The following TENM2 variants were observed in gnomAD, a reference collection of about 807,000 sequenced individuals.
TENM2 encodes the protein teneurin transmembrane protein 2, also known as teneurin-2.
A neutral mutation model predicts 245.2 loss-of-function variants in TENM2; 52 were observed. The ratio of observed to expected loss-of-function variants is 0.21; its 90% CI spans 0.17 to 0.27. TENM2 has a LOEUF of 0.27. Ranked by LOEUF, TENM2 falls within the 10% of genes least tolerant of loss-of-function variation. TENM2 has a pLI of 1.00. For synonymous variants in TENM2, 1,363 were observed against 1,438.9 expected (o/e 0.95, Z 1.19); for missense variants, 3,046 against 3,666.8 (o/e 0.83, Z 4.37).
the TENM2 span, among the ~76,000 whole-genome samples, chr5:167,250,321 A>G: frequency 6.6e-6 from 1 of 152,176 alleles, no homozygotes; most frequent in Non-Finnish European, 1.5e-5. Flanking sequence ...ACCTTATCTC[A>G]TAAAAAGACG....
At chr5:167,640,842 C>CAT (rs60136419) in intron 2 of TENM2, among the ~76,000 whole-genome samples, 233 of 75,424 alleles carry the variant, frequency 3.1e-3, no homozygotes, top group African/African-American at 8.8e-3. Flanking sequence ...TATATATATC[C>CAT]ATATATATAT....
chr5:168,132,396 T>A (rs1242974809), intron 12 of TENM2, among the ~76,000 whole-genome samples: 2 of 152,160 alleles, frequency 1.3e-5, no homozygotes, highest in Non-Finnish European at 2.9e-5. Flanking sequence ...TTTTGTATTT[T>A]TATGTGATTT....
At chr5:167,861,222 A>G (rs942828706) in intron 2 of TENM2, among the ~76,000 whole-genome samples, 5 of 152,042 alleles carry the variant, frequency 3.3e-5, no homozygotes, top group South Asian at 2.1e-4. Flanking sequence ...CTAATGCAAA[A>G]TGTCCTCAAG....
chr5:167,209,240 A>G, the TENM2 span, among the ~76,000 whole-genome samples: 6 of 151,962 alleles, frequency 3.9e-5, no homozygotes, highest in East Asian at 1.9e-4. Flanking sequence ...TATGAAAAAC[A>G]TTTTTTAAAA....
chr5:167,062,097 TA>T, the TENM2 span, among the ~76,000 whole-genome samples: 1 of 152,146 alleles, frequency 6.6e-6, no homozygotes, highest in Non-Finnish European at 1.5e-5. Context: ...CCAAAAGCCT[TA>T]AAGCAGTGAT....
rs1390256088 is a variant in TENM2, at chr5:167,598,790, AT to A, written c.502+223318del. 3.3e-5 allele frequency among the ~76,000 whole-genome samples: 5 copies of A among 152,170 alleles called. No homozygotes were observed. The East Asian group carries it at 9.7e-4, about 29-fold the overall frequency. ...TCGGAGGCAATGAGTAATAATGTAAATGTTGGCAGTTATCAAAGTAAAGGGG... is the reference window on the plus strand; with the variant it reads ...TCGGAGGCAATGAGTAATAATGTAAAGTTGGCAGTTATCAAAGTAAAGGGG... On this transcript the variant is annotated intron_variant, in intron 2 of 28. Coordinates refer to ENST00000518659, the Ensembl canonical transcript of TENM2.
the TENM2 span, among the ~76,000 whole-genome samples, chr5:167,001,347 G>T: frequency 2.0e-5 from 3 of 152,010 alleles, no homozygotes; most frequent in Non-Finnish European, 4.4e-5. Flanking sequence ...CATTCTTAAG[G>T]CATTCATATT....
chr5:167,609,952 C>T (rs916827165), intron 2 of TENM2, among the ~76,000 whole-genome samples: 4 of 151,948 alleles, frequency 2.6e-5, no homozygotes, highest in Non-Finnish European at 5.9e-5. Flanking sequence ...GGGCTCAGTC[C>T]CACAAGACTG....
chr5:168,101,747 A>G (rs963526562), intron 9 of TENM2, among the ~76,000 whole-genome samples: 3 of 152,186 alleles, frequency 2.0e-5, no homozygotes, highest in African/African-American at 7.2e-5. Context: ...TTAAAGAATA[A>G]AATTGCTTTT....
exon 10 of TENM2, chr5:168,118,316 G>A (rs1795230060): frequency 5.6e-6 from 9 of 1,603,428 alleles, no homozygotes. Flanking sequence ...CTGTGCAGTG[G>A]GAATGGACAA....
intron 1 of TENM2, among the ~76,000 whole-genome samples, chr5:167,322,984 T>C (rs539081643): frequency 8.5e-5 from 13 of 152,362 alleles, no homozygotes; most frequent in East Asian, 7.7e-4. Flanking sequence ...TATTATGTAA[T>C]ATGATATCAC....
At chr5:167,657,593 C>G (rs181683433) in intron 2 of TENM2, among the ~76,000 whole-genome samples, 18 of 152,252 alleles carry the variant, frequency 1.2e-4, no homozygotes, top group Admixed American at 3.9e-4. Context: ...AAGCATAAAG[C>G]TTAATACAAT....
At chr5:167,991,058 C>T (rs1005676568) in intron 4 of TENM2, among the ~76,000 whole-genome samples, 2 of 152,152 alleles carry the variant, frequency 1.3e-5, no homozygotes, top group African/African-American at 4.8e-5. Context: ...TGCCAACTCC[C>T]AGCGTCAGTT....
chr5:167,696,721 C>T (rs80003544), intron 2 of TENM2, among the ~76,000 whole-genome samples: 2,229 of 152,234 alleles, frequency 0.015, 48 homozygotes, highest in African/African-American at 0.051. Context: ...TCCGTTAGCG[C>T]GAAGGCCCTG....
chr5:167,389,258 A>G (rs1388436011), intron 2 of TENM2, among the ~76,000 whole-genome samples: 1 of 150,186 alleles, frequency 6.7e-6, no homozygotes, highest in African/African-American at 2.4e-5. Context: ...AAATATATAT[A>G]TATATATATA....
At chr5:167,548,065 T>C (rs1366663783) in intron 2 of TENM2, among the ~76,000 whole-genome samples, 4 of 152,184 alleles carry the variant, frequency 2.6e-5, no homozygotes, top group Non-Finnish European at 4.4e-5. Context: ...AGACTTATCA[T>C]TCCCCAGGAT....
At chr5:167,045,233 C>G in the TENM2 span, among the ~76,000 whole-genome samples, 289 of 152,282 alleles carry the variant, frequency 1.9e-3, 1 homozygote, top group Admixed American at 3.4e-3. Flanking sequence ...GACTTATTAG[C>G]TATCTATGTG....
chr5:167,981,988 A>G (rs1333408696), intron 4 of TENM2, among the ~76,000 whole-genome samples: 2 of 151,624 alleles, frequency 1.3e-5, no homozygotes, highest in Non-Finnish European at 2.9e-5. Context: ...CCAAAAAAAA[A>G]AAAAAAAGAA....
intron 1 of TENM2, among the ~76,000 whole-genome samples, chr5:167,333,006 A>G (rs1412880988): frequency 6.6e-6 from 1 of 152,212 alleles, no homozygotes; most frequent in Non-Finnish European, 1.5e-5. Context: ...GTAAAGGGGA[A>G]TTAAAGAAAA....
Sources: allele counts gnomAD v4.1 joint callset (sites outside exome capture counted in the v4.1 genomes callset), GRCh38; gene constraint gnomAD v4.1.1; transcripts MANE v1.5; gene names NCBI Gene and HGNC (gene_info 2026-07-23, HGNC 2026-07-21).